FBXW7: variants seen among roughly 807,000 people sequenced by gnomAD.
FBXW7 encodes F-box and WD repeat domain containing 7, also known as F-box/WD repeat-containing protein 7.
In FBXW7, 11 loss-of-function variants were observed where a neutral mutation model predicts 86.3. The observed-to-expected ratio is 0.13, with a 90% confidence interval of 0.08 to 0.21. FBXW7 has a LOEUF of 0.21. FBXW7 is among the 10% of genes least tolerant of loss of function. The pLI, the probability that FBXW7 is intolerant of heterozygous loss-of-function variation, is 1.00. For missense variants in FBXW7, 488 were observed against 847.4 expected, an observed-to-expected ratio of 0.58 and a Z score of 5.27; for synonymous variants, 313 against 297.9, an observed-to-expected ratio of 1.05 and a Z score of -0.52.
Position 152,526,909 on chromosome 4 carries a change from T to C in FBXW7, c.-120+8032A>G, listed in dbSNP as rs557975808. On this transcript the variant is annotated intron_variant, in intron 2 of 13. Coordinates refer to ENST00000281708, the MANE Select transcript of FBXW7 (RefSeq NM_001349798.2). Reference sequence around the variant, plus strand: ...TCTTCAGTTTTTAATAAAATGTTAATGAAGTTTTAGATGTTTCTGAAAACA... The same window carrying C: ...TCTTCAGTTTTTAATAAAATGTTAACGAAGTTTTAGATGTTTCTGAAAACA... Among the ~76,000 whole-genome samples the C allele has an allele frequency of 3.0e-4, 45 of 152,264 alleles. 1 individual carries two copies. Among genetic ancestry groups the C allele is most frequent in the Non-Finnish European group, 5.9e-4 (40 of 68,036 alleles).
Position 152,335,152 on chromosome 4 carries a change from A to C in FBXW7, c.862-2433T>G, listed in dbSNP as rs151223478. Among the ~76,000 whole-genome samples, 6 of 152,318 alleles carry C rather than the reference A, an allele frequency of 3.9e-5. No individual in the cohort carries two copies. The East Asian group carries it at 1.2e-3, about 29-fold the overall frequency. ...GGGCTCTAAAATGAACTGAATGTCC[A>C]TATTCCCTCAAATTCATGTTGAAAT... On this transcript the variant is annotated intron_variant, in intron 7 of 13. Coordinates refer to ENST00000281708, the MANE Select transcript of FBXW7 (RefSeq NM_001349798.2).
chr4:152,452,415 TACTC>T (rs936517557), intron 2 of FBXW7, among the ~76,000 whole-genome samples: 2 of 152,186 alleles, frequency 1.3e-5, no homozygotes, highest in African/African-American at 2.4e-5. Context: ...ATTAGAAAAA[TACTC>T]ACTTTAGAAT....
At chr4:152,364,457 T>A (rs1006994497) in intron 4 of FBXW7, among the ~76,000 whole-genome samples, 5 of 152,208 alleles carry the variant, frequency 3.3e-5, no homozygotes, top group African/African-American at 9.6e-5. Context: ...GCAAAAGTTA[T>A]GAATCATAAT....
chr4:152,360,322 A>AATCATAC (rs1165060636), intron 4 of FBXW7, among the ~76,000 whole-genome samples: 6 of 152,150 alleles, frequency 3.9e-5, no homozygotes, highest in Admixed American at 1.3e-4. Flanking sequence ...TCACACTAGA[A>AATCATAC]ATCATACATA....
chr4:152,505,743 ATT>A (rs763132391), intron 2 of FBXW7, among the ~76,000 whole-genome samples: 11 of 141,926 alleles, frequency 7.8e-5, no homozygotes, highest in Admixed American at 1.4e-4. Flanking sequence ...CTGTTTTGCA[ATT>A]TTTTTTTTTT....
chr4:152,405,095 T>TTA (rs1553969837), intron 4 of FBXW7, among the ~76,000 whole-genome samples: 7 of 79,036 alleles, frequency 8.9e-5, no homozygotes, highest in East Asian at 3.9e-4. Context: ...GACCTTGTCT[T>TTA]AAAAAAAAAA....
chr4:152,451,987 A>T (rs1245677610), intron 2 of FBXW7, among the ~76,000 whole-genome samples: 1 of 152,098 alleles, frequency 6.6e-6, no homozygotes, highest in East Asian at 1.9e-4. Flanking sequence ...CTATAATACT[A>T]AGATGTTACT....
chr4:152,347,888 C>T (rs879699689), intron 5 of FBXW7, among the ~76,000 whole-genome samples: 18 of 151,922 alleles, frequency 1.2e-4, no homozygotes, highest in East Asian at 5.8e-4. Flanking sequence ...ATATTACTAA[C>T]GTATTAAACT....
Position 152,341,123 on chromosome 4 carries a change from C to CTAT in FBXW7, c.727-3190_727-3188dup, listed in dbSNP as rs1342801275. 2.8e-4 allele frequency among the ~76,000 whole-genome samples: 42 copies of CTAT among 152,216 alleles called. 1 individual carries two copies. The highest frequency in any genetic ancestry group is 2.7e-3 in the Admixed American group (42 of 15,280). On this transcript the variant is annotated intron_variant, in intron 6 of 13. Coordinates refer to ENST00000281708, the MANE Select transcript of FBXW7 (RefSeq NM_001349798.2). ...AGCTTTCTACCTTCGGCTCTTCGTT[C>CTAT]TATTCTCCACACTGTACTCAGTGCT...
intron 4 of FBXW7, among the ~76,000 whole-genome samples, chr4:152,382,694 C>CT (rs1018751122): frequency 2.0e-5 from 3 of 151,986 alleles, no homozygotes; most frequent in Non-Finnish European, 4.4e-5. Context: ...ACTAACTAAT[C>CT]TAAGAGTGTT....
At chr4:152,493,591 C>A in intron 2 of FBXW7, among the ~76,000 whole-genome samples, 1 of 152,106 alleles carries the variant, frequency 6.6e-6, no homozygotes. Flanking sequence ...GGATATAGGG[C>A]CTTTAGAGAG....
In FBXW7 at chr4:152,491,547, T is replaced by C. The variant is rs140454224; in HGVS notation, c.-120+43394A>G. Among the ~76,000 whole-genome samples, 355 of 152,256 alleles carry C rather than the reference T, an allele frequency of 2.3e-3. 2 individuals are homozygous for C. Among genetic ancestry groups the C allele is most frequent in the African/African-American group, 7.9e-3 (330 of 41,556 alleles). ...GACGTTTAGAATGATATTTGGAAGA[T>C]GTCTTAAAAAGTCAAGAGGAATTCA... On this transcript the variant is annotated intron_variant, in intron 2 of 13. Coordinates refer to ENST00000281708, the MANE Select transcript of FBXW7 (RefSeq NM_001349798.2).
chr4:152,448,154 A>C (rs961618111), intron 2 of FBXW7, among the ~76,000 whole-genome samples: 1 of 152,252 alleles, frequency 6.6e-6, no homozygotes, highest in African/African-American at 2.4e-5. Flanking sequence ...AGTCTCACAT[A>C]AACTCCAGGC....
At chr4:152,466,026 A>G (rs1255467631) in intron 2 of FBXW7, among the ~76,000 whole-genome samples, 5 of 152,198 alleles carry the variant, frequency 3.3e-5, no homozygotes, top group Admixed American at 3.3e-4. Flanking sequence ...ATAACATGAA[A>G]GGTAAGAATA....
intron 2 of FBXW7, among the ~76,000 whole-genome samples, chr4:152,482,483 G>C (rs1015790763): frequency 6.6e-6 from 1 of 152,174 alleles, no homozygotes; most frequent in Non-Finnish European, 1.5e-5. Flanking sequence ...ACTCCTTTGA[G>C]TTGGTTCTTT....
intron 4 of FBXW7, among the ~76,000 whole-genome samples, chr4:152,397,867 C>T (rs1014665201): frequency 6.6e-6 from 1 of 151,794 alleles, no homozygotes; most frequent in African/African-American, 2.4e-5. Flanking sequence ...ATTCTTTTCT[C>T]ACATACATGC....
At chr4:152,349,202 T>C (rs1731561256) in intron 5 of FBXW7, among the ~76,000 whole-genome samples, 1 of 151,994 alleles carries the variant, frequency 6.6e-6, no homozygotes, top group Non-Finnish European at 1.5e-5. Context: ...TGAAATATTT[T>C]GAGAGAAAGG....
At chr4:152,372,281 T>C (rs1734073613) in intron 4 of FBXW7, among the ~76,000 whole-genome samples, 3 of 151,956 alleles carry the variant, frequency 2.0e-5, no homozygotes, top group African/African-American at 7.2e-5. Flanking sequence ...TACTCTGACA[T>C]TTCAAAGTGT....
chr4:152,446,011 C>A (rs1437898069), intron 2 of FBXW7, among the ~76,000 whole-genome samples: 2 of 151,182 alleles, frequency 1.3e-5, no homozygotes, highest in Non-Finnish European at 2.9e-5. Flanking sequence ...ACCATTTTGC[C>A]TAGGCAACAA....
Sources: allele counts gnomAD v4.1 joint callset (sites outside exome capture counted in the v4.1 genomes callset), GRCh38; gene constraint gnomAD v4.1.1; transcripts MANE v1.5; gene names NCBI Gene and HGNC (gene_info 2026-07-23, HGNC 2026-07-21).